Variants in SANBR observed in about 807,000 individuals in gnomAD.
The protein encoded by SANBR is SANT and BTB domain regulator of class switch recombination.
A neutral mutation model predicts 101.8 loss-of-function variants in SANBR; 77 were observed. The observed-to-expected ratio is 0.76, with a 90% CI of 0.63 to 0.91. SANBR has a LOEUF of 0.91. Among genes scored for constraint, SANBR ranks in the 40% least tolerant of loss-of-function variants. The pLI is 0.00. For synonymous variants in SANBR, 279 were observed against 274.7 expected, an observed-to-expected ratio of 1.02 and a Z score of -0.15; for missense variants, 875 against 853.0, an observed-to-expected ratio of 1.03 and a Z score of -0.32.
intron 16 of SANBR, among the ~76,000 whole-genome samples, chr2:61,114,317 A>G (rs1683971760): frequency 1.3e-5 from 2 of 152,186 alleles, no homozygotes; most frequent in African/African-American, 4.8e-5. Flanking sequence ...TCTCAAGTAA[A>G]TGCCACTAGA....
chr2:61,126,528 C>T (rs544414076), downstream of SANBR, among the ~76,000 whole-genome samples: 142 of 152,252 alleles, frequency 9.3e-4, 1 homozygote, highest in African/African-American at 3.2e-3. Context: ...TCAGGCCGGA[C>T]GCGGTGGCTC....
rs1173012867 is a variant in SANBR at position 61,122,245 on chromosome 2, A to G, written c.*83A>G. On this transcript the variant is annotated 3_prime_UTR_variant, in exon 22 of 22. Coordinates refer to ENST00000402291, the MANE Select transcript of SANBR (RefSeq NM_001129993.3). ...CTCACTTCTTGAAGATCTTCAGAAC[A>G]ATGACTTCCAACTGTTTTATGTTAT... 2.5e-5 allele frequency: 36 copies of G among 1,465,184 alleles called. No individual in the cohort carries two copies. Among genetic ancestry groups the G allele is most frequent in the Non-Finnish European group, 3.3e-5 (36 of 1,102,260 alleles). The allele number at this position is 1,465,184 out of a possible 1,614,324, so 90.8% of individuals were successfully genotyped here.
chr2:61,134,015 T>C (rs1278465403), intron 20 of SANBR: 30 of 1,444,634 alleles, frequency 2.1e-5, no homozygotes, highest in Non-Finnish European at 9.4e-7. Flanking sequence ...AATAGAAATA[T>C]AACCCACAAT....
chr2:61,066,852 AG>A (rs1046990685), intron 1 of SANBR, among the ~76,000 whole-genome samples: 1 of 152,086 alleles, frequency 6.6e-6, no homozygotes, highest in Non-Finnish European at 1.5e-5. Context: ...GGGGTCGGGG[AG>A]GGGAGGGGAA....
chr2:61,116,116 C>A (rs777886719), intron 17 of SANBR, 46 bp downstream of exon 17: 2 of 1,299,950 alleles, frequency 1.5e-6, no homozygotes, highest in South Asian at 1.3e-5. Context: ...GAAAAATAAG[C>A]ATGTGAGTAT....
At chr2:61,079,677 G>A (rs1202312867) in intron 6 of SANBR, among the ~76,000 whole-genome samples, 2 of 152,146 alleles carry the variant, frequency 1.3e-5, no homozygotes, top group Non-Finnish European at 1.5e-5. Flanking sequence ...TCATATTTAT[G>A]TGTGTAGTAA....
downstream of SANBR, among the ~76,000 whole-genome samples, chr2:61,126,381 T>C (rs1031806719): frequency 1.3e-5 from 2 of 152,164 alleles, no homozygotes; most frequent in African/African-American, 4.8e-5. Flanking sequence ...TCATAAGTAA[T>C]TCCCCAGCTT....
intron 10 of SANBR, among the ~76,000 whole-genome samples, chr2:61,089,892 A>AAG (rs1491465214): frequency 6.6e-6 from 1 of 151,878 alleles, no homozygotes; most frequent in Non-Finnish European, 1.5e-5. Context: ...TCCTGGGCTC[A>AAG]AGAGATCTTC....
intron 11 of SANBR, among the ~76,000 whole-genome samples, chr2:61,096,867 C>G (rs182452258): frequency 1.3e-5 from 2 of 152,066 alleles, no homozygotes; most frequent in African/African-American, 4.8e-5. Context: ...AAAAATGCAT[C>G]AAGGGGCCAG....
rs776253764 is a variant in SANBR at position 61,122,949 on chromosome 2, T to C, written c.*787T>C. 369 of 985,132 alleles carry C rather than the reference T, an allele frequency of 3.7e-4. No individual in the cohort carries two copies. The highest frequency in any genetic ancestry group is 4.3e-4 in the Non-Finnish European group (353 of 829,702). The allele number at this position is 985,132 out of a possible 1,614,324, so 61.0% of individuals were successfully genotyped here. ...TTATATGAGACACCCACTGTACAGT[T>C]CTCAGGGCTCTAAAACCCAACCATA... On this transcript the variant is annotated 3_prime_UTR_variant, in exon 22 of 22. Transcript: ENST00000402291.
intron 16 of SANBR, among the ~76,000 whole-genome samples, chr2:61,110,476 T>G (rs1455720872): frequency 3.3e-5 from 5 of 152,004 alleles, no homozygotes; most frequent in Non-Finnish European, 7.4e-5. Context: ...GGTCAGGAGT[T>G]CAAGAGCAGC....
chr2:61,108,059 C>G (rs1683657591), intron 14 of SANBR, among the ~76,000 whole-genome samples: 2 of 151,998 alleles, frequency 1.3e-5, no homozygotes, highest in African/African-American at 4.8e-5. Context: ...TAGTAATTTT[C>G]TTGTACGTGA....
chr2:61,099,307 T>C (rs188876205), intron 12 of SANBR, among the ~76,000 whole-genome samples: 4 of 152,306 alleles, frequency 2.6e-5, no homozygotes, highest in East Asian at 1.9e-4. Context: ...AAGGAAGTTA[T>C]CATAGAGAGA....
At chr2:61,121,429 A>AT (rs1426660521) in intron 21 of SANBR, 153 bp downstream of exon 21, 1 of 488,252 alleles carries the variant, frequency 2.0e-6, no homozygotes, top group African/African-American at 2.0e-5. Context: ...TTAGAAACAG[A>AT]TTTTAACTTA....
chr2:61,086,065 T>C (rs1682411198), intron 8 of SANBR, among the ~76,000 whole-genome samples: 1 of 152,228 alleles, frequency 6.6e-6, no homozygotes, highest in Non-Finnish European at 1.5e-5. Context: ...TTTCAATCCA[T>C]GAATATGGTA....
Position 61,124,164 on chromosome 2 carries a change from C to T in SANBR, c.*2002C>T, listed in dbSNP as rs1318208297. ...TGTCTGTTATACATAGCACTGGTAC[C>T]GCAAACATTTTACTTAAACTCTTAA... On this transcript the variant is annotated 3_prime_UTR_variant, in exon 22 of 22. Coordinates refer to ENST00000402291, the MANE Select transcript of SANBR (RefSeq NM_001129993.3). 13 of 981,774 alleles carry T rather than the reference C, an allele frequency of 1.3e-5. No individual in the cohort carries two copies. In the Admixed American group the frequency reaches 3.1e-4, roughly 23 times the overall value. 60.8% of individuals were successfully genotyped at this position (981,774 alleles called of 1,614,324 possible).
chr2:61,091,695 A>C (rs1439106808), intron 10 of SANBR, among the ~76,000 whole-genome samples: 1 of 152,154 alleles, frequency 6.6e-6, no homozygotes, highest in Non-Finnish European at 1.5e-5. Context: ...AAGGAGTTTG[A>C]AGTTGCAATA....
In SANBR at chr2:61,117,411, G is replaced by A. The variant is rs115290120; in HGVS notation, c.1865+26G>A. The A allele has an allele frequency of 0.016, 25,176 of 1,612,802 alleles. 242 individuals carry two copies. Among genetic ancestry groups the A allele is most frequent in the Non-Finnish European group, 0.018 (21,693 of 1,179,048 alleles). ...GTGAGTATTGCTCCTTAATCCAATC[G>A]GATATCCACTCTTAAAGAAGCATCA... On this transcript the variant is annotated intron_variant, in intron 18 of 21. Transcript: ENST00000402291.
chr2:61,065,961 G>A lies in SANBR; in HGVS notation c.-213G>A, dbSNP rs997501000. 5 of 152,200 alleles carry A rather than the reference G, an allele frequency of 3.3e-5. No individual in the cohort carries two copies. Among genetic ancestry groups the A allele is most frequent in the African/African-American group, 1.2e-4 (5 of 41,408 alleles). The allele number at this position is 152,200 out of a possible 1,614,324, so 9.4% of individuals were successfully genotyped here. ...CTCGGTAGCGGCAGCTTCAGGGCGC[G>A]AGCGCGGGCGGTGCCGACCACTGCA... On this transcript the variant is annotated 5_prime_UTR_variant, in exon 1 of 22. Coordinates refer to ENST00000402291, the MANE Select transcript of SANBR (RefSeq NM_001129993.3).
Sources: gnomAD v4.1 joint callset for allele counts (sites outside exome capture counted in the v4.1 genomes callset) on GRCh38, gnomAD v4.1.1 for gene constraint, MANE v1.5 for transcripts, NCBI Gene and HGNC (gene_info 2026-07-23, HGNC 2026-07-21) for gene names.